The following SLC14A2 variants were observed in gnomAD, a reference collection of about 807,000 sequenced individuals.
SLC14A2 encodes urea transporter 2.
Under a neutral mutation model 104.6 loss-of-function variants are expected in SLC14A2, and 91 were observed. That is an observed-to-expected ratio of 0.87 (90% CI 0.73 to 1.04). The LOEUF (loss-of-function observed/expected upper bound fraction) is 1.04, where lower values mean the gene tolerates loss of function less well. SLC14A2 is among the 50% of genes least tolerant of loss of function. The pLI, the probability that SLC14A2 is intolerant of heterozygous loss-of-function variation, is 0.00. For synonymous variants in SLC14A2, 476 were observed against 466.4 expected, an observed-to-expected ratio of 1.02 and a Z score of -0.27; for missense variants, 1,189 against 1,156.0, an observed-to-expected ratio of 1.03 and a Z score of -0.41.
At chr18:45,181,368 C>T in the SLC14A2 span, 25 of 152,202 alleles carry the variant, frequency 1.6e-4, no homozygotes, top group Non-Finnish European at 3.1e-4. Flanking sequence ...GATCAAGTGC[C>T]ACTCCCTGCT....
At chr18:45,276,541 A>T (rs780274678) in intron 1 of SLC14A2, among the ~76,000 whole-genome samples, 11 of 152,200 alleles carry the variant, frequency 7.2e-5, no homozygotes, top group Non-Finnish European at 1.5e-4. Flanking sequence ...GTGTTCAGGA[A>T]CATCATTGAT....
intron 1 of SLC14A2, among the ~76,000 whole-genome samples, chr18:45,391,314 C>A (rs1217969899): frequency 3.3e-5 from 5 of 152,194 alleles, no homozygotes; most frequent in African/African-American, 9.7e-5. Context: ...CTTTCTTAAT[C>A]CAGTCTATCA....
intron 2 of SLC14A2, among the ~76,000 whole-genome samples, chr18:45,559,620 G>A (rs767989062): frequency 1.3e-5 from 2 of 152,136 alleles, no homozygotes; most frequent in South Asian, 4.2e-4. Flanking sequence ...AAATCCATAT[G>A]GTCCTCCCAC....
At chr18:45,191,427 A>C in the SLC14A2 span, among the ~76,000 whole-genome samples, 1 of 152,212 alleles carries the variant, frequency 6.6e-6, no homozygotes, top group Non-Finnish European at 1.5e-5. Context: ...GAAGAATAGG[A>C]ATGCCCAAGG....
chr18:45,285,015 C>T (rs989172401), intron 1 of SLC14A2, among the ~76,000 whole-genome samples: 1 of 147,404 alleles, frequency 6.8e-6, no homozygotes, highest in African/African-American at 2.7e-5. Context: ...TAATTTGGGG[C>T]ATCCCAGGTT....
At chr18:45,444,560 T>G (rs1159287909) in intron 1 of SLC14A2, among the ~76,000 whole-genome samples, 2 of 152,192 alleles carry the variant, frequency 1.3e-5, no homozygotes, top group Non-Finnish European at 2.9e-5. Flanking sequence ...GAGTTGCCGT[T>G]GGATGGAAAC....
chr18:45,425,848 T>G (rs976477864), intron 1 of SLC14A2, among the ~76,000 whole-genome samples: 6 of 152,090 alleles, frequency 3.9e-5, no homozygotes, highest in African/African-American at 1.4e-4. Flanking sequence ...CATGGATAGG[T>G]AAACAGTCCT....
At chr18:45,178,479 C>G in the SLC14A2 span, among the ~76,000 whole-genome samples, 2 of 151,820 alleles carry the variant, frequency 1.3e-5, no homozygotes, top group South Asian at 4.2e-4. Context: ...TTAGAGAACA[C>G]CTGAGAAGTT....
intron 1 of SLC14A2, among the ~76,000 whole-genome samples, chr18:45,363,063 A>AC (rs1195445426): frequency 7.3e-5 from 11 of 150,970 alleles, no homozygotes; most frequent in South Asian, 2.1e-4. Context: ...CTGTGCAACG[A>AC]CCCCCCCAAC....
intron 2 of SLC14A2, among the ~76,000 whole-genome samples, chr18:45,573,672 G>A (rs1029829066): frequency 6.6e-6 from 1 of 152,192 alleles, no homozygotes; most frequent in Admixed American, 6.5e-5. Context: ...TCCCTTACAT[G>A]GGATGTGGCT....
At chr18:45,343,777 C>A (rs1182318945) in intron 1 of SLC14A2, among the ~76,000 whole-genome samples, 1 of 152,044 alleles carries the variant, frequency 6.6e-6, no homozygotes, top group Non-Finnish European at 1.5e-5. Flanking sequence ...AATCAAAGGG[C>A]CTTAGAAATT....
In SLC14A2 at chr18:45,214,914, TAAAA is replaced by T. The variant is rs11332986; in HGVS notation, c.-125+1741_-125+1744del. On this transcript the variant is annotated intron_variant, in intron 1 of 20. Transcript: ENST00000586448. ...TTTAGTATCTATCGGACCATGTCTTTAAAAAAAAAAAAAAAAAAAAAGAAAAGAA... is the reference window on the plus strand; with the variant it reads ...TTTAGTATCTATCGGACCATGTCTTTAAAAAAAAAAAAAAAAAGAAAAGAA... 3.0e-3 allele frequency among the ~76,000 whole-genome samples: 341 copies of T among 113,902 alleles called. 1 individual carries two copies. The highest frequency in any genetic ancestry group is 0.013 in the South Asian group (42 of 3,190). 74.7% of individuals were successfully genotyped at this position (113,902 alleles called of 152,430 possible).
At chr18:45,535,009 C>A (rs949426664) in intron 2 of SLC14A2, among the ~76,000 whole-genome samples, 3 of 152,290 alleles carry the variant, frequency 2.0e-5, no homozygotes. Flanking sequence ...GTTAATGAGA[C>A]CTAAGGTCTG....
intron 1 of SLC14A2, among the ~76,000 whole-genome samples, chr18:45,324,082 A>AT (rs1362859641): frequency 1.3e-5 from 2 of 152,208 alleles, no homozygotes; most frequent in Non-Finnish European, 2.9e-5. Context: ...ATGCCCATCT[A>AT]TTAAATTGGA....
chr18:45,628,060 A>G (rs1411677363), intron 4 of SLC14A2, among the ~76,000 whole-genome samples: 1 of 151,914 alleles, frequency 6.6e-6, no homozygotes, highest in Non-Finnish European at 1.5e-5. Flanking sequence ...TGCATTTTGT[A>G]GAACTTGACC....
intron 10 of SLC14A2, among the ~76,000 whole-genome samples, chr18:45,655,422 C>T (rs1301173787): frequency 2.0e-5 from 3 of 152,226 alleles, no homozygotes; most frequent in Non-Finnish European, 4.4e-5. Flanking sequence ...CCTACTATCA[C>T]CACCCTGGCC....
chr18:45,608,122 T>G (rs1003009511), intron 2 of SLC14A2, among the ~76,000 whole-genome samples: 1 of 152,262 alleles, frequency 6.6e-6, no homozygotes, highest in Non-Finnish European at 1.5e-5. Context: ...CCCCTGTGAC[T>G]GGTACATAAT....
At chr18:45,239,021 A>G (rs2084284537) in intron 1 of SLC14A2, among the ~76,000 whole-genome samples, 1 of 152,220 alleles carries the variant, frequency 6.6e-6, no homozygotes, top group African/African-American at 2.4e-5. Context: ...TATATAAGAT[A>G]AAAAGAAAAG....
intron 2 of SLC14A2, among the ~76,000 whole-genome samples, chr18:45,541,424 T>C (rs1238104357): frequency 6.6e-6 from 1 of 152,208 alleles, no homozygotes. Context: ...TCCTAGTCCA[T>C]TCATCTGTCT....
Sources: allele counts gnomAD v4.1 joint callset (sites outside exome capture counted in the v4.1 genomes callset), GRCh38; gene constraint gnomAD v4.1.1; transcripts MANE v1.5; gene names NCBI Gene and HGNC (gene_info 2026-07-23, HGNC 2026-07-21).